NLGN1: variants seen among roughly 807,000 people sequenced by gnomAD.
NLGN1 encodes the protein neuroligin-1.
NLGN1 carries 12 observed loss-of-function variants against 65.5 expected under a neutral mutation model. The observed-to-expected ratio is 0.18, with a 90% CI of 0.12 to 0.30. The LOEUF (loss-of-function observed/expected upper bound fraction) is 0.30. Among genes scored for constraint, NLGN1 ranks in the 10% least tolerant of loss-of-function variants. The pLI, the probability that NLGN1 is intolerant of heterozygous loss-of-function variation, is 1.00. For synonymous variants in NLGN1, 350 were observed against 359.5 expected, an observed-to-expected ratio of 0.97 and a Z score of 0.30; for missense variants, 750 against 1,007.1, an observed-to-expected ratio of 0.74 and a Z score of 3.46.
rs552890648 is a variant in NLGN1, at chr3:173,470,510, G to T, written c.-321+35432G>T. On this transcript the variant is annotated intron_variant, in intron 2 of 6. Transcript: ENST00000457714. ...TGTAGCAGAGGGACTAACAGCATGG[G>T]TTTGTCTTGCCAAATCATGGGTCTG... 8.5e-5 allele frequency among the ~76,000 whole-genome samples: 13 copies of T among 152,142 alleles called. No homozygotes were observed. In the South Asian group the frequency reaches 2.7e-3, roughly 32 times the overall value.
intron 4 of NLGN1, among the ~76,000 whole-genome samples, chr3:173,866,958 C>T (rs1730297067): frequency 6.6e-6 from 1 of 152,010 alleles, no homozygotes. Context: ...AGAATTATAC[C>T]ATTCAGAATT....
At chr3:173,807,699 T>C (rs1716963412) in exon 4 of NLGN1, 1 of 1,613,520 alleles carries the variant, frequency 6.2e-7, no homozygotes, top group Non-Finnish European at 8.5e-7. Flanking sequence ...ACAGTGGGGG[T>C]CCCAAACCAG....
intron 3 of NLGN1, among the ~76,000 whole-genome samples, chr3:173,709,750 C>A (rs1314190177): frequency 7.0e-6 from 1 of 143,244 alleles, no homozygotes; most frequent in Non-Finnish European, 1.5e-5. Flanking sequence ...TTGCAGTGAG[C>A]CGAGATTGTA....
At chr3:173,853,506 A>G (rs1727371275) in intron 4 of NLGN1, among the ~76,000 whole-genome samples, 1 of 152,184 alleles carries the variant, frequency 6.6e-6, no homozygotes, top group South Asian at 2.1e-4. Context: ...AATAAGTGTA[A>G]CAAATACATT....
At chr3:173,774,808 C>G (rs1201396277) in intron 3 of NLGN1, among the ~76,000 whole-genome samples, 1 of 152,048 alleles carries the variant, frequency 6.6e-6, no homozygotes, top group African/African-American at 2.4e-5. Context: ...ATTTGCACCT[C>G]TAATACAGCC....
At chr3:174,016,436 C>T (rs769868684) in intron 4 of NLGN1, among the ~76,000 whole-genome samples, 1 of 152,112 alleles carries the variant, frequency 6.6e-6, no homozygotes, top group Non-Finnish European at 1.5e-5. Flanking sequence ...AAGTACATCT[C>T]GGAAAGAGCT....
At chr3:173,459,578 A>G (rs1576794797) in intron 2 of NLGN1, among the ~76,000 whole-genome samples, 2 of 152,140 alleles carry the variant, frequency 1.3e-5, no homozygotes, top group South Asian at 4.1e-4. Context: ...CATTGTAGAA[A>G]ACAAGATCAT....
chr3:173,860,245 A>G (rs1276591716), intron 4 of NLGN1, among the ~76,000 whole-genome samples: 1 of 152,042 alleles, frequency 6.6e-6, no homozygotes, highest in Non-Finnish European at 1.5e-5. Context: ...AAATATTTTT[A>G]TAGGTAGTAT....
At chr3:174,255,815 T>C (rs1016057571) in intron 4 of NLGN1, among the ~76,000 whole-genome samples, 1 of 151,906 alleles carries the variant, frequency 6.6e-6, no homozygotes, top group Non-Finnish European at 1.5e-5. Flanking sequence ...TGTACCGCCA[T>C]GCCCAGCTAA....
rs567958085 is a variant in NLGN1 at position 173,862,543 on chromosome 3, A to G, written c.646+54711A>G. 2.0e-5 allele frequency among the ~76,000 whole-genome samples: 3 copies of G among 150,756 alleles called. No individual in the cohort carries two copies. The South Asian group carries it at 6.3e-4, about 31-fold the overall frequency. On this transcript the variant is annotated intron_variant, in intron 4 of 6. Transcript: ENST00000457714. ...AAAAAAAAAAAAAGAAAATGAAAACATAATACATATAATTATGTATATTAT... is the reference window on the plus strand; with the variant it reads ...AAAAAAAAAAAAAGAAAATGAAAACGTAATACATATAATTATGTATATTAT...
At chr3:174,211,738 G>A (rs931171063) in intron 4 of NLGN1, among the ~76,000 whole-genome samples, 19 of 146,502 alleles carry the variant, frequency 1.3e-4, no homozygotes, top group East Asian at 6.2e-4. Flanking sequence ...ACAGAGTTTC[G>A]ACACACAGGT....
chr3:173,552,992 C>T (rs1741131710), intron 2 of NLGN1, among the ~76,000 whole-genome samples: 1 of 152,116 alleles, frequency 6.6e-6, no homozygotes, highest in South Asian at 2.1e-4. Flanking sequence ...TTCTCTCTGT[C>T]CCTGGCTCAG....
chr3:173,441,869 A>G (rs1463106320), intron 2 of NLGN1, among the ~76,000 whole-genome samples: 1 of 152,204 alleles, frequency 6.6e-6, no homozygotes, highest in Non-Finnish European at 1.5e-5. Flanking sequence ...AAGTGTGATC[A>G]AACAAGGTAT....
At chr3:173,412,151 T>A (rs1392037262) in intron 1 of NLGN1, among the ~76,000 whole-genome samples, 1 of 152,196 alleles carries the variant, frequency 6.6e-6, no homozygotes, top group Non-Finnish European at 1.5e-5. Context: ...CCTGGAATTG[T>A]CCCTCTGCAG....
chr3:174,280,863 G>A lies in NLGN1; in HGVS notation c.2032G>A (p.Val678Ile), dbSNP rs1382369633. 6.2e-7 allele frequency: 1 copy of A among 1,613,396 alleles called. No individual in the cohort carries two copies. Among genetic ancestry groups the A allele is most frequent in the Non-Finnish European group, 8.5e-7 (1 of 1,179,604 alleles). The change falls in exon 7 of 7, where the codon GTC (valine) becomes ATC (isoleucine). Residue 678 changes from valine (V) to isoleucine (I), a missense_variant. Coordinates refer to ENST00000457714, the Ensembl canonical transcript of NLGN1. This position sits in a 1 kb window ranked among gnomAD's most constrained non-coding sequence, Gnocchi z 4.9. ...AAGGGACTACTCAACAGAGCTGAGT[G>A]TCACTATTGCAGTTGGAGCATCACT...
At chr3:174,161,512 G>A (rs1726499114) in intron 4 of NLGN1, among the ~76,000 whole-genome samples, 1 of 151,860 alleles carries the variant, frequency 6.6e-6, no homozygotes, top group South Asian at 2.1e-4. Context: ...TATTGCCAGT[G>A]AAGAAGGCTT....
At chr3:174,031,513 A>G (rs1323260495) in intron 4 of NLGN1, among the ~76,000 whole-genome samples, 2 of 152,196 alleles carry the variant, frequency 1.3e-5, no homozygotes, top group Non-Finnish European at 2.9e-5. Flanking sequence ...TTTTCAGGAG[A>G]AAACGACAAC....
intron 4 of NLGN1, among the ~76,000 whole-genome samples, chr3:174,069,724 T>A (rs764735493): frequency 6.6e-6 from 1 of 152,090 alleles, no homozygotes; most frequent in Non-Finnish European, 1.5e-5. Context: ...AAAAAGAAGA[T>A]GAGGAAATCA....
At chr3:174,245,671 A>G (rs536732256) in intron 4 of NLGN1, among the ~76,000 whole-genome samples, 1 of 152,302 alleles carries the variant, frequency 6.6e-6, no homozygotes, top group South Asian at 2.1e-4. Flanking sequence ...CAACATTACT[A>G]ATAAATATTA....
Sources: allele counts gnomAD v4.1 joint callset (sites outside exome capture counted in the v4.1 genomes callset), GRCh38; gene constraint gnomAD v4.1.1; non-coding constraint Gnocchi (gnomAD v3.1); transcripts MANE v1.5; gene names NCBI Gene and HGNC (gene_info 2026-07-23, HGNC 2026-07-21).